Variants in THADA observed in about 807,000 individuals in gnomAD.
THADA encodes tRNA (32-2'-O)-methyltransferase regulator THADA.
In THADA, 213 loss-of-function variants were observed where a neutral mutation model predicts 219.8. The ratio of observed to expected loss-of-function variants is 0.97; its 90% CI spans 0.87 to 1.09. The LOEUF (loss-of-function observed/expected upper bound fraction) is 1.09. Ranked by LOEUF, THADA falls within the 50% of genes least tolerant of loss-of-function variation. The pLI, the probability that THADA is intolerant of heterozygous loss-of-function variation, is 0.00. For synonymous variants in THADA, 1,018 were observed against 828.9 expected (o/e 1.23, Z -3.92); for missense variants, 2,956 against 2,311.3 (o/e 1.28, Z -5.72).
intron 22 of THADA, among the ~76,000 whole-genome samples, chr2:43,522,508 T>C (rs1472156545): frequency 6.6e-6 from 1 of 152,184 alleles, no homozygotes; most frequent in Non-Finnish European, 1.5e-5. Context: ...CTCAATTATT[T>C]AATATAATCA....
At chr2:43,437,143 C>T (rs968298117) in intron 26 of THADA, among the ~76,000 whole-genome samples, 2 of 152,162 alleles carry the variant, frequency 1.3e-5, no homozygotes, top group Admixed American at 6.5e-5. Context: ...CTGATTTTAA[C>T]TGAGGTAATC....
At chr2:43,392,639 C>T (rs932440118) in intron 29 of THADA, among the ~76,000 whole-genome samples, 1 of 152,076 alleles carries the variant, frequency 6.6e-6, no homozygotes. Flanking sequence ...GTTCCCATCA[C>T]GTAAAGATTC....
chr2:43,298,670 G>A (rs1297643724), intron 31 of THADA, among the ~76,000 whole-genome samples: 2 of 152,076 alleles, frequency 1.3e-5, no homozygotes, highest in South Asian at 2.1e-4. Context: ...TATAGTCCAG[G>A]CTGAGTGTAA....
intron 29 of THADA, among the ~76,000 whole-genome samples, chr2:43,383,707 GATTCTGTGGTCCAGAACCACACT>G (rs1216011725): frequency 6.6e-6 from 1 of 152,164 alleles, no homozygotes; most frequent in Admixed American, 6.5e-5. Context: ...AAGCAATGCT[GATTCTGTGGTCCAGAACCACACT>G]TTGAGTGACA....
intron 29 of THADA, among the ~76,000 whole-genome samples, chr2:43,347,969 C>G (rs373480619): frequency 7.9e-5 from 12 of 152,070 alleles, no homozygotes; most frequent in African/African-American, 2.9e-4. Flanking sequence ...AGAAAAAAGC[C>G]AGGGGCAGTG....
chr2:43,289,950 G>A (rs926496113), intron 34 of THADA, among the ~76,000 whole-genome samples: 4 of 148,988 alleles, frequency 2.7e-5, no homozygotes, highest in African/African-American at 5.0e-5. Flanking sequence ...TACCGTGCCC[G>A]GCCCTGGTGT....
In THADA at chr2:43,507,995, C is replaced by G. The variant is rs192122697; in HGVS notation, c.3507+653G>C. Among the ~76,000 whole-genome samples the G allele has an allele frequency of 4.5e-4, 68 of 152,160 alleles. 1 individual carries two copies. In the East Asian group the frequency reaches 0.012, roughly 27 times the overall value. ...GAAAACGGACTCGCACACACATATT[C>G]TCATATGCAGAGAGGTTCGGGAGTC... On this transcript the variant is annotated intron_variant, in intron 23 of 37. Transcript: ENST00000405975.
At chr2:43,298,956 T>C (rs1572971366) in intron 31 of THADA, among the ~76,000 whole-genome samples, 1 of 152,172 alleles carries the variant, frequency 6.6e-6, no homozygotes, top group East Asian at 1.9e-4. Flanking sequence ...AAATCCAAAA[T>C]GCTCTAAGAT....
At chr2:43,241,034 T>C (rs1034725070) in intron 36 of THADA, among the ~76,000 whole-genome samples, 2 of 152,124 alleles carry the variant, frequency 1.3e-5, no homozygotes, top group Admixed American at 6.5e-5. Flanking sequence ...CTGGCCATGA[T>C]ATTAAGTCTG....
chr2:43,539,547 T>G (rs1234192922), intron 21 of THADA, among the ~76,000 whole-genome samples: 1 of 152,112 alleles, frequency 6.6e-6, no homozygotes, highest in Non-Finnish European at 1.5e-5. Context: ...AAGAATCAAG[T>G]TTTTCATAGG....
rs1384529633 is a variant in THADA at position 43,291,700 on chromosome 2, A to C, written c.5006T>G (p.Val1669Gly). Reference sequence around the variant, plus strand: ...CAAGATCAGAACCAGCCTTACCTCCACACATGTCTGCATGTGGTGGGAAAT... The same window carrying C: ...CAAGATCAGAACCAGCCTTACCTCCCCACATGTCTGCATGTGGTGGGAAAT... ...KVISHHMQTCVENRELIAAEL... is the reference protein window; with the variant it reads ...KVISHHMQTCGENRELIAAEL... Residue 1669 changes from valine (V) to glycine (G), a missense_variant, in exon 34 of 38, where the codon GTG (valine) becomes GGG (glycine). Transcript: ENST00000405975. 11 of 1,553,816 alleles carry C rather than the reference A, an allele frequency of 7.1e-6. No individual in the cohort carries two copies. Among genetic ancestry groups the C allele is most frequent in the Admixed American group, 2.0e-5 (1 of 50,966 alleles).
At chr2:43,390,205 C>T (rs769147159) in intron 29 of THADA, among the ~76,000 whole-genome samples, 1 of 152,124 alleles carries the variant, frequency 6.6e-6, no homozygotes, top group African/African-American at 2.4e-5. Flanking sequence ...ACGGTGATTC[C>T]AGAAGAAAAG....
At chr2:43,342,966 A>C (rs1246725112) in intron 30 of THADA, 1 of 152,208 alleles carries the variant, frequency 6.6e-6, no homozygotes, top group Non-Finnish European at 1.5e-5. Flanking sequence ...CTTCTACTTT[A>C]GACAGCCAAT....
intron 29 of THADA, among the ~76,000 whole-genome samples, chr2:43,396,081 A>G (rs1674008653): frequency 6.6e-6 from 1 of 152,190 alleles, no homozygotes; most frequent in Non-Finnish European, 1.5e-5. Flanking sequence ...TTCTAACTGA[A>G]TATTGATAGA....
chr2:43,334,736 C>G lies in THADA; in HGVS notation c.4343+9386G>C, dbSNP rs189713199. On this transcript the variant is annotated intron_variant, in intron 30 of 37. Coordinates refer to ENST00000405975, the MANE Select transcript of THADA (RefSeq NM_022065.5). ...CTTGCAGTGAGCCGAGATCGCGCCA[C>G]TGCACTCCAGCCTGGGCGACAGAGC... Among the ~76,000 whole-genome samples the G allele has an allele frequency of 3.9e-3, 593 of 151,802 alleles. 7 individuals carry two copies. Among genetic ancestry groups the G allele is most frequent in the African/African-American group, 0.013 (550 of 41,388 alleles).
At chr2:43,547,363 A>G (rs936734996) in intron 20 of THADA, among the ~76,000 whole-genome samples, 1 of 152,074 alleles carries the variant, frequency 6.6e-6, no homozygotes, top group African/African-American at 2.4e-5. Context: ...TGCTCTTCTC[A>G]AGGATTATCT....
chr2:43,578,512 C>A lies in THADA; in HGVS notation c.816+1G>T. 6.2e-7 allele frequency: 1 copy of A among 1,603,814 alleles called. No individual in the cohort carries two copies. The highest frequency in any genetic ancestry group is 8.5e-7 in the Non-Finnish European group (1 of 1,171,934). On this transcript the variant is annotated splice_donor_variant, in intron 9 of 37. Transcript: ENST00000405975. LOFTEE classifies it high-confidence loss of function. ...CAATTCTAAAAAGGAGATGCACTTA[C>A]CAAATGAGGAATCTTTTCAGACGGG...
chr2:43,348,608 AGG>A, intron 29 of THADA, among the ~76,000 whole-genome samples: 1 of 152,104 alleles, frequency 6.6e-6, no homozygotes, highest in African/African-American at 2.4e-5. Flanking sequence ...AGGAGAGGAA[AGG>A]ATACATCTGA....
At chr2:43,432,951 A>G (rs369456119) in intron 26 of THADA, among the ~76,000 whole-genome samples, 1 of 152,098 alleles carries the variant, frequency 6.6e-6, no homozygotes, top group Non-Finnish European at 1.5e-5. Flanking sequence ...TCTTTTGATG[A>G]GGAGAATTTT....
Sources: allele counts gnomAD v4.1 joint callset (sites outside exome capture counted in the v4.1 genomes callset), GRCh38; gene constraint gnomAD v4.1.1; transcripts MANE v1.5; gene names NCBI Gene and HGNC (gene_info 2026-07-23, HGNC 2026-07-21).